RAB28: variants seen among roughly 807,000 people sequenced by gnomAD.
The protein encoded by RAB28 is ras-related protein Rab-28.
Under a neutral mutation model 31.7 loss-of-function variants are expected in RAB28, and 24 were observed. That is an observed-to-expected ratio of 0.76 (90% CI 0.55 to 1.06). The LOEUF (loss-of-function observed/expected upper bound fraction) is 1.06. Ranked by LOEUF, RAB28 falls within the 50% of genes least tolerant of loss-of-function variation. RAB28 has a pLI of 0.00. For synonymous variants in RAB28, 100 were observed against 90.4 expected (o/e 1.11, Z -0.60); for missense variants, 254 against 258.5 (o/e 0.98, Z 0.12).
At chr4:13,398,453 T>A (rs534852980) in intron 4 of RAB28, among the ~76,000 whole-genome samples, 1 of 152,234 alleles carries the variant, frequency 6.6e-6, no homozygotes, top group African/African-American at 2.4e-5. Flanking sequence ...GACACTAGCA[T>A]ACCCTGGCAT....
chr4:13,467,254 G>C (rs56277013), intron 3 of RAB28, among the ~76,000 whole-genome samples: 11,060 of 151,522 alleles, frequency 0.073, 974 homozygotes, highest in African/African-American at 0.22. Context: ...ACATTGTATT[G>C]ATAAATCATA....
At chr4:13,414,919 T>C (rs1712657194) in intron 4 of RAB28, among the ~76,000 whole-genome samples, 2 of 152,150 alleles carry the variant, frequency 1.3e-5, no homozygotes, top group Admixed American at 6.5e-5. Context: ...CTTAATTTGA[T>C]AAAGAATACC....
At chr4:13,473,907 CAT>C (rs1716231762) in intron 3 of RAB28, 1 of 352,142 alleles carries the variant, frequency 2.8e-6, no homozygotes, top group Non-Finnish European at 5.5e-6. Context: ...TGCACAAAAA[CAT>C]AGACATATAG....
At chr4:13,391,951 T>C (rs1396077666) in intron 4 of RAB28, among the ~76,000 whole-genome samples, 2 of 152,098 alleles carry the variant, frequency 1.3e-5, no homozygotes, top group Non-Finnish European at 2.9e-5. Flanking sequence ...AAATTCCTAA[T>C]GTAAATGATG....
chr4:13,466,742 T>C (rs1027222976), intron 3 of RAB28, among the ~76,000 whole-genome samples: 1 of 151,988 alleles, frequency 6.6e-6, no homozygotes, highest in African/African-American at 2.4e-5. Flanking sequence ...CCATGTTTGT[T>C]GCAGCACTGT....
intron 4 of RAB28, among the ~76,000 whole-genome samples, chr4:13,431,261 C>G (rs535066992): frequency 6.6e-6 from 1 of 152,174 alleles, no homozygotes; most frequent in African/African-American, 2.4e-5. Context: ...CACAGCCACA[C>G]TGAATCCAGA....
At chr4:13,437,603 C>G (rs1714194607) in intron 4 of RAB28, among the ~76,000 whole-genome samples, 1 of 152,090 alleles carries the variant, frequency 6.6e-6, no homozygotes, top group Admixed American at 6.5e-5. Flanking sequence ...TGAAAAAATG[C>G]TCAATATCAC....
chr4:13,382,437 CTT>C (rs1244670186), intron 4 of RAB28, among the ~76,000 whole-genome samples: 1 of 151,302 alleles, frequency 6.6e-6, no homozygotes, highest in Non-Finnish European at 1.5e-5. Context: ...AAAAAAAAAA[CTT>C]AAACTGATTT....
intron 4 of RAB28, among the ~76,000 whole-genome samples, chr4:13,458,643 A>G (rs1429555127): frequency 1.3e-5 from 2 of 152,200 alleles, no homozygotes; most frequent in African/African-American, 2.4e-5. Context: ...GTTTCTATCA[A>G]CAACGGGCTA....
chr4:13,431,832 G>A (rs928362062), intron 4 of RAB28, among the ~76,000 whole-genome samples: 2 of 151,934 alleles, frequency 1.3e-5, no homozygotes, highest in African/African-American at 4.8e-5. Flanking sequence ...AATAAGAAGC[G>A]ACAATACCTC....
At chr4:13,483,396 T>G (rs189842699) in intron 1 of RAB28, among the ~76,000 whole-genome samples, 1 of 152,204 alleles carries the variant, frequency 6.6e-6, no homozygotes, top group African/African-American at 2.4e-5. Context: ...GACTGACTGC[T>G]TGTATCGAGT....
At chr4:13,387,571 G>C (rs1729430463) in intron 4 of RAB28, among the ~76,000 whole-genome samples, 2 of 151,994 alleles carry the variant, frequency 1.3e-5, no homozygotes, top group African/African-American at 4.8e-5. Flanking sequence ...TGAAGTATGA[G>C]AAGTAATTAT....
chr4:13,398,635 G>A (rs533381510), intron 4 of RAB28, among the ~76,000 whole-genome samples: 266 of 152,072 alleles, frequency 1.7e-3, no homozygotes, highest in Non-Finnish European at 2.2e-3. Flanking sequence ...AAAATTAGCC[G>A]GGCATGATGG....
rs115049830 is a variant in RAB28, at chr4:13,407,831, T to C, written c.392-26237A>G. On this transcript the variant is annotated intron_variant, in intron 4 of 6. Transcript: ENST00000330852. ...GCTCTCTGTTTGTCTATTATTGGCG[T>C]ACAGGAATGCCTGCAATTTTTGCAC... Among the ~76,000 whole-genome samples the C allele has an allele frequency of 4.9e-3, 741 of 152,318 alleles. 11 individuals carry two copies. Among genetic ancestry groups the C allele is most frequent in the African/African-American group, 0.017 (718 of 41,566 alleles).
In RAB28 at chr4:13,484,178, C is replaced by T. The variant is rs1223840616; in HGVS notation, c.-28G>A. The T allele has an allele frequency of 6.5e-7, 1 of 1,544,342 alleles. No individual in the cohort carries two copies. The highest frequency in any genetic ancestry group is 8.8e-7 in the Non-Finnish European group (1 of 1,139,054). ...TGTCCCGGGAACCAGGCCCGCCCCTCGAGGTGGGGGGGGAAGGGAAGGATG... is the reference window on the plus strand; with the variant it reads ...TGTCCCGGGAACCAGGCCCGCCCCTTGAGGTGGGGGGGGAAGGGAAGGATG... On this transcript the variant is annotated 5_prime_UTR_variant, in exon 1 of 7. Coordinates refer to ENST00000330852, the MANE Select transcript of RAB28 (RefSeq NM_001017979.3).
At chr4:13,379,051 C>G (rs1321502431) in intron 5 of RAB28, among the ~76,000 whole-genome samples, 1 of 150,924 alleles carries the variant, frequency 6.6e-6, no homozygotes, top group Non-Finnish European at 1.5e-5. Context: ...ACTAAAAATA[C>G]AAAAAATTAG....
At chr4:13,400,115 C>A (rs1399353883) in intron 4 of RAB28, among the ~76,000 whole-genome samples, 1 of 152,078 alleles carries the variant, frequency 6.6e-6, no homozygotes, top group Non-Finnish European at 1.5e-5. Flanking sequence ...ATTAAGCATT[C>A]TCTTCTTTCT....
At chr4:13,391,335 C>T (rs1454868962) in intron 4 of RAB28, among the ~76,000 whole-genome samples, 4 of 152,168 alleles carry the variant, frequency 2.6e-5, no homozygotes, top group Non-Finnish European at 2.9e-5. Context: ...CAGAGAAACG[C>T]AAATCAAAAC....
intron 4 of RAB28, among the ~76,000 whole-genome samples, chr4:13,432,079 C>T (rs1713838371): frequency 6.6e-6 from 1 of 151,972 alleles, no homozygotes; most frequent in Non-Finnish European, 1.5e-5. Context: ...GATGAGATAG[C>T]TATATTAAGA....
Sources: allele counts gnomAD v4.1 joint callset (sites outside exome capture counted in the v4.1 genomes callset), GRCh38; gene constraint gnomAD v4.1.1; transcripts MANE v1.5; gene names NCBI Gene and HGNC (gene_info 2026-07-23, HGNC 2026-07-21).